Variants in PARVG observed in about 807,000 individuals in gnomAD.
PARVG encodes the protein parvin gamma, also known as gamma-parvin.
Under a neutral mutation model 44.4 loss-of-function variants are expected in PARVG, and 36 were observed. The observed-to-expected ratio is 0.81, with a 90% CI of 0.62 to 1.07. The LOEUF (loss-of-function observed/expected upper bound fraction) is 1.07. Ranked by LOEUF, PARVG falls within the 50% of genes least tolerant of loss-of-function variation. The pLI is 0.00. For missense variants in PARVG, 407 were observed against 407.4 expected, an observed-to-expected ratio of 1.00 and a Z score of 0.01; for synonymous variants, 170 against 174.1, an observed-to-expected ratio of 0.98 and a Z score of 0.19.
rs568152889 is a variant in PARVG at position 44,191,375 on chromosome 22, CAG to C, written c.505-671_505-670del. On this transcript the variant is annotated intron_variant, in intron 7 of 13. Coordinates refer to ENST00000444313, the MANE Select transcript of PARVG (RefSeq NM_022141.7). ...TAAGCCAAGTTTGGCCACACCCAGT[CAG>C]AGTCATTTCTATTTTTTTTTTTTTT... is the stretch of plus-strand genomic sequence containing the variant. 1.6e-3 allele frequency among the ~76,000 whole-genome samples: 236 copies of C among 144,450 alleles called. 3 individuals are homozygous for C. The highest frequency in any genetic ancestry group is 5.8e-3 in the African/African-American group (229 of 39,154). 94.8% of individuals were successfully genotyped at this position (144,450 alleles called of 152,430 possible).
At chr22:44,187,316 T>C (rs11912094) in intron 4 of PARVG, 5,247 of 182,488 alleles carry the variant, frequency 0.029, 312 homozygotes, top group African/African-American at 0.12. Context: ...AGTCCCCACC[T>C]CCATCTTCAC....
chr22:44,183,137 G>A (rs570773484), intron 2 of PARVG, 181 bp from the exon 3 acceptor site: 30 of 547,306 alleles, frequency 5.5e-5, no homozygotes, highest in African/African-American at 3.8e-4. Context: ...CACCCCGCAA[G>A]GGTTGGCTCA....
At chr22:44,185,695 C>T (rs985584875) in intron 3 of PARVG, 113 bp from the exon 4 acceptor site, 7 of 842,690 alleles carry the variant, frequency 8.3e-6, no homozygotes, top group African/African-American at 5.1e-5. Flanking sequence ...GCGGAAGTGG[C>T]AGGACCGGTG....
intron 1 of PARVG, among the ~76,000 whole-genome samples, chr22:44,173,697 C>T (rs1343146919): frequency 6.6e-6 from 1 of 152,224 alleles, no homozygotes; most frequent in Non-Finnish European, 1.5e-5. Flanking sequence ...GGGACAAATT[C>T]AACCTCCTTC....
At chr22:44,201,242 C>G (rs1315497759) in intron 12 of PARVG, among the ~76,000 whole-genome samples, 1 of 152,188 alleles carries the variant, frequency 6.6e-6, no homozygotes, top group Non-Finnish European at 1.5e-5. Context: ...GGGTTAGCTC[C>G]CTGCACTTTG....
intron 11 of PARVG, among the ~76,000 whole-genome samples, chr22:44,197,372 A>AC: frequency 6.6e-6 from 1 of 152,092 alleles, no homozygotes; most frequent in Non-Finnish European, 1.5e-5. Flanking sequence ...GAACTGTACT[A>AC]CCCCACTTAC....
intron 12 of PARVG, among the ~76,000 whole-genome samples, chr22:44,200,571 C>G (rs976178159): frequency 2.0e-5 from 3 of 152,112 alleles, no homozygotes; most frequent in Non-Finnish European, 2.9e-5. Flanking sequence ...GCCCAGGATC[C>G]CGGGCAGCCA....
chr22:44,189,338 G>A (rs2054518396), intron 6 of PARVG, 84 bp downstream of exon 6: 9 of 1,540,510 alleles, frequency 5.8e-6, no homozygotes, highest in Non-Finnish European at 7.9e-6. Context: ...CCACCAGGAA[G>A]GCGCACTCAT....
chr22:44,181,509 C>T (rs918699736), intron 1 of PARVG: 4 of 688,542 alleles, frequency 5.8e-6, no homozygotes, highest in African/African-American at 3.9e-5. Flanking sequence ...GGGGTCGACC[C>T]CAGGCTCTGG....
intron 8 of PARVG, among the ~76,000 whole-genome samples, chr22:44,192,687 C>G (rs955856077): frequency 6.7e-6 from 1 of 150,328 alleles, no homozygotes; most frequent in African/African-American, 2.5e-5. Context: ...GGTTGACCAT[C>G]CTGCTCCCTG....
At chr22:44,189,030 C>G in intron 5 of PARVG, 84 bp from the exon 6 acceptor site, 1 of 1,556,038 alleles carries the variant, frequency 6.4e-7, no homozygotes, top group Non-Finnish European at 8.8e-7. Flanking sequence ...AAGCACCAGG[C>G]AGGCTCAGCC....
At chr22:44,205,359 T>C (rs73426502) in intron 12 of PARVG, among the ~76,000 whole-genome samples, 3,030 of 152,318 alleles carry the variant, frequency 0.02, 108 homozygotes, top group African/African-American at 0.069. Context: ...CTCCTTTCCC[T>C]GGGTAGTTCT....
chr22:44,181,183 C>A lies in PARVG; in HGVS notation c.-191C>A. On this transcript the variant is annotated splice_region_variant and 5_prime_UTR_variant, in exon 1 of 14. Coordinates refer to ENST00000444313, the MANE Select transcript of PARVG (RefSeq NM_022141.7). The stretch of plus-strand genomic sequence containing the variant: ...TTTGTGCCAAGCATTGTTCTAGACA[C>A]GGGTATGTAACCGCGATTGAGAGAG... The A allele has an allele frequency of 2.6e-6, 1 of 391,202 alleles. No homozygotes were observed. Among genetic ancestry groups the A allele is most frequent in the Non-Finnish European group, 3.5e-6 (1 of 286,678 alleles). 24.2% of individuals were successfully genotyped at this position (391,202 alleles called of 1,614,324 possible).
intron 12 of PARVG, among the ~76,000 whole-genome samples, chr22:44,199,359 A>T (rs16991639): frequency 6.6e-6 from 1 of 151,188 alleles, no homozygotes; most frequent in Non-Finnish European, 1.5e-5. Context: ...TTGTCCTTCA[A>T]TCCATCTTCC....
At chr22:44,173,128 T>C (rs1601720396) in exon 1 of PARVG, 1 of 1,288,446 alleles carries the variant, frequency 7.8e-7, no homozygotes, top group South Asian at 1.2e-5. Flanking sequence ...GGGATGGGAC[T>C]TTGGGAACCC....
chr22:44,195,360 G>A (rs557503038), intron 9 of PARVG, among the ~76,000 whole-genome samples: 84 of 152,334 alleles, frequency 5.5e-4, no homozygotes, highest in African/African-American at 2.0e-3. Flanking sequence ...AGAGAGAGGT[G>A]CTGTGACTTG....
At chr22:44,174,772 G>A (rs1414648331) in intron 1 of PARVG, among the ~76,000 whole-genome samples, 1 of 151,950 alleles carries the variant, frequency 6.6e-6, no homozygotes, top group African/African-American at 2.4e-5. Context: ...ATATAGGATG[G>A]TTCTGAAGAT....
upstream of PARVG, among the ~76,000 whole-genome samples, chr22:44,177,871 AT>A (rs1278671227): frequency 6.6e-6 from 1 of 152,194 alleles, no homozygotes; most frequent in Non-Finnish European, 1.5e-5. Flanking sequence ...TTTTTAAAAA[AT>A]ATATATTACT....
At chr22:44,189,486 A>T (rs2054519827) in intron 6 of PARVG, among the ~76,000 whole-genome samples, 1 of 152,232 alleles carries the variant, frequency 6.6e-6, no homozygotes, top group African/African-American at 2.4e-5. Flanking sequence ...TGCAAAGTGC[A>T]GCCCAAGGAT....
Sources: allele counts gnomAD v4.1 joint callset (sites outside exome capture counted in the v4.1 genomes callset), GRCh38; gene constraint gnomAD v4.1.1; transcripts MANE v1.5; gene names NCBI Gene and HGNC (gene_info 2026-07-23, HGNC 2026-07-21).